SLC25A31: variants seen among roughly 807,000 people sequenced by gnomAD.
SLC25A31 encodes solute carrier family 25 member 31.
In SLC25A31, 40 loss-of-function variants were observed where a neutral mutation model predicts 36.2. That is an observed-to-expected ratio of 1.10 (90% confidence interval 0.86 to 1.44). The LOEUF is 1.44. SLC25A31 is among the 40% of genes most tolerant of loss of function. SLC25A31 has a pLI of 0.00. For missense variants in SLC25A31, 350 were observed against 397.1 expected (o/e 0.88, Z 1.01); for synonymous variants, 143 against 149.7 (o/e 0.96, Z 0.32).
intron 1 of SLC25A31, among the ~76,000 whole-genome samples, chr4:127,736,835 C>T (rs572818764): frequency 1.3e-5 from 2 of 152,342 alleles, no homozygotes; most frequent in East Asian, 3.9e-4. Flanking sequence ...AATTTATAAA[C>T]ATGTACTCCA....
chr4:127,756,498 A>G (rs917160944), intron 2 of SLC25A31, among the ~76,000 whole-genome samples: 1 of 152,180 alleles, frequency 6.6e-6, no homozygotes, highest in Non-Finnish European at 1.5e-5. Flanking sequence ...GACAGGAGGA[A>G]TAAGTTTTAG....
chr4:127,743,130 CTTTT>C (rs57035802), intron 1 of SLC25A31, among the ~76,000 whole-genome samples: 1 of 128,062 alleles, frequency 7.8e-6, no homozygotes, highest in African/African-American at 2.9e-5. Flanking sequence ...TTTTTCTTTT[CTTTT>C]TTTTTTTTTT....
intron 1 of SLC25A31, 63 bp from the exon 2 acceptor site, chr4:127,744,609 A>T (rs1731789356): frequency 1.4e-6 from 2 of 1,425,344 alleles, no homozygotes; most frequent in Admixed American, 4.7e-5. Flanking sequence ...AAATTTGCTA[A>T]AACTATGGCA....
At chr4:127,749,208 G>C (rs1171517163) in intron 2 of SLC25A31, among the ~76,000 whole-genome samples, 2 of 152,106 alleles carry the variant, frequency 1.3e-5, no homozygotes, top group African/African-American at 4.8e-5. Context: ...CTCAAAGATA[G>C]GTCATTTAAA....
At chr4:127,741,310 A>T (rs1193949001) in intron 1 of SLC25A31, among the ~76,000 whole-genome samples, 1 of 152,218 alleles carries the variant, frequency 6.6e-6, no homozygotes, top group Non-Finnish European at 1.5e-5. Flanking sequence ...CTGATCTCAG[A>T]GGAAAGTTTT....
chr4:127,756,098 G>A (rs1409064690), intron 2 of SLC25A31, among the ~76,000 whole-genome samples: 1 of 151,906 alleles, frequency 6.6e-6, no homozygotes, highest in East Asian at 1.9e-4. Flanking sequence ...TATATCCAAA[G>A]GAATTGAAAT....
At chr4:127,743,279 T>C (rs1405987902) in intron 1 of SLC25A31, among the ~76,000 whole-genome samples, 1 of 152,002 alleles carries the variant, frequency 6.6e-6, no homozygotes, top group Non-Finnish European at 1.5e-5. Context: ...TACAGGCACA[T>C]GCCACGGCAC....
intron 1 of SLC25A31, among the ~76,000 whole-genome samples, chr4:127,742,140 G>A (rs1441266116): frequency 2.0e-5 from 3 of 151,884 alleles, no homozygotes; most frequent in African/African-American, 7.3e-5. Context: ...TATTATTTTT[G>A]TAGTCTCTAT....
chr4:127,773,636 G>T lies in SLC25A31; in HGVS notation c.*62G>T, dbSNP rs936603131. 39 of 1,305,318 alleles carry T rather than the reference G, an allele frequency of 3.0e-5. No homozygotes were observed. Among genetic ancestry groups the T allele is most frequent in the Non-Finnish European group, 3.8e-5 (37 of 967,852 alleles). The allele number at this position is 1,305,318 out of a possible 1,614,324, so 80.9% of individuals were successfully genotyped here. On this transcript the variant is annotated 3_prime_UTR_variant, in exon 6 of 6. Transcript: ENST00000281154. ...TGTTAAACATACAAATTACATAGCT[G>T]CCATTTGCATACATTTTGATAGTGT... is the stretch of plus-strand genomic sequence containing the variant.
chr4:127,752,696 G>A (rs1179357940), intron 2 of SLC25A31, among the ~76,000 whole-genome samples: 2 of 151,988 alleles, frequency 1.3e-5, no homozygotes, highest in African/African-American at 2.4e-5. Flanking sequence ...ATGATAAAGG[G>A]GTCAGTTCAT....
intron 1 of SLC25A31, among the ~76,000 whole-genome samples, chr4:127,736,143 C>T (rs1000333777): frequency 6.6e-5 from 10 of 151,988 alleles, no homozygotes; most frequent in Non-Finnish European, 1.3e-4. Flanking sequence ...CCCGCCTCGG[C>T]CTCCCAAAGT....
intron 2 of SLC25A31, among the ~76,000 whole-genome samples, chr4:127,752,041 A>C (rs963536049): frequency 7.9e-5 from 12 of 152,028 alleles, no homozygotes; most frequent in South Asian, 2.1e-4. Flanking sequence ...ACTAGAAATA[A>C]CATTTGACCC....
At position 127,767,224 on chromosome 4, in the gene SLC25A31, A is replaced by G; in HGVS notation, c.633+4A>G. ...TGGAGCTTATGACACAGTTAAGGTA[A>G]TCTGGGGGCTTTAACTTGGACATAT... On this transcript the variant is annotated splice_donor_region_variant and intron_variant, in intron 4 of 5. Transcript: ENST00000281154. The G allele has an allele frequency of 6.4e-7, 1 of 1,559,470 alleles. No individual in the cohort carries two copies. The highest frequency in any genetic ancestry group is 8.7e-7 in the Non-Finnish European group (1 of 1,155,240).
In SLC25A31 at chr4:127,730,716, C is replaced by A. The variant is rs374710997; in HGVS notation, c.171C>A (p.Ile57=). 3.7e-6 allele frequency: 6 copies of A among 1,613,858 alleles called. No homozygotes were observed. Among genetic ancestry groups the A allele is most frequent in the Non-Finnish European group, 4.2e-6 (5 of 1,179,936 alleles). ...LLQVQASSKQ[I]SPEARYKGMV... ...AGGTGCAGGCGTCGTCGAAGCAGAT[C>A]AGCCCCGAGGCGCGGTACAAAGGCA... Residue 57 remains isoleucine (I), a synonymous_variant, in exon 1 of 6, where the codon ATC becomes ATA. Coordinates refer to ENST00000281154, the MANE Select transcript of SLC25A31 (RefSeq NM_031291.4).
chr4:127,733,025 C>T (rs1288869132), intron 1 of SLC25A31, among the ~76,000 whole-genome samples: 2 of 152,134 alleles, frequency 1.3e-5, no homozygotes, highest in African/African-American at 2.4e-5. Context: ...CTTCGATTTT[C>T]GTGTAGCAGT....
chr4:127,732,819 A>G (rs1391119097), intron 1 of SLC25A31, among the ~76,000 whole-genome samples: 1 of 152,172 alleles, frequency 6.6e-6, no homozygotes, highest in Non-Finnish European at 1.5e-5. Flanking sequence ...CAAGGATACT[A>G]TTGCCATCTA....
At chr4:127,751,717 A>G (rs1731936469) in intron 2 of SLC25A31, among the ~76,000 whole-genome samples, 1 of 152,322 alleles carries the variant, frequency 6.6e-6, no homozygotes, top group South Asian at 2.1e-4. Flanking sequence ...AACTCAAACA[A>G]ATTTACAAGA....
intron 1 of SLC25A31, among the ~76,000 whole-genome samples, chr4:127,733,958 T>G (rs188983398): frequency 6.6e-6 from 1 of 152,352 alleles, no homozygotes; most frequent in East Asian, 1.9e-4. Context: ...TTATAAGCTT[T>G]TCTTGGCTTA....
At position 127,770,999 on chromosome 4, in the gene SLC25A31, G is replaced by A. The variant is rs191123719; in HGVS notation, c.759+2122G>A. On this transcript the variant is annotated intron_variant, in intron 5 of 5. Coordinates refer to ENST00000281154, the MANE Select transcript of SLC25A31 (RefSeq NM_031291.4). ...GGAGATGGAGTCTCACTGTGTCGCCGAGGCTGGAGTGCAGTGGTGCAATCT... is the reference window on the plus strand; with the variant it reads ...GGAGATGGAGTCTCACTGTGTCGCCAAGGCTGGAGTGCAGTGGTGCAATCT... Among the ~76,000 whole-genome samples the A allele has an allele frequency of 4.5e-4, 60 of 132,118 alleles. No individual in the cohort carries two copies. The East Asian group carries it at 0.011, about 25-fold the overall frequency. The allele number at this position is 132,118 out of a possible 152,430, so 86.7% of individuals were successfully genotyped here.
Sources: gnomAD v4.1 joint callset for allele counts (sites outside exome capture counted in the v4.1 genomes callset) on GRCh38, gnomAD v4.1.1 for gene constraint, MANE v1.5 for transcripts, NCBI Gene and HGNC (gene_info 2026-07-23, HGNC 2026-07-21) for gene names.